The following GSG1L variants were observed in gnomAD, a reference collection of about 807,000 sequenced individuals.
GSG1L encodes germ cell-specific gene 1-like protein.
A neutral mutation model predicts 42.1 loss-of-function variants in GSG1L; 24 were observed. That is an observed-to-expected ratio of 0.57 (90% CI 0.41 to 0.80). The LOEUF (loss-of-function observed/expected upper bound fraction) is 0.80. GSG1L is among the 30% of genes least tolerant of loss of function. GSG1L has a pLI of 0.00. For synonymous variants in GSG1L, 215 were observed against 203.5 expected (o/e 1.06, Z -0.48); for missense variants, 445 against 472.2 (o/e 0.94, Z 0.53).
At chr16:27,940,826 G>A (rs374147051) in intron 2 of GSG1L, among the ~76,000 whole-genome samples, 8 of 150,066 alleles carry the variant, frequency 5.3e-5, no homozygotes, top group East Asian at 3.9e-4. Context: ...CACATTGTGC[G>A]CATGTACCCT....
At chr16:27,906,634 T>C (rs1164289571) in intron 2 of GSG1L, among the ~76,000 whole-genome samples, 1 of 152,138 alleles carries the variant, frequency 6.6e-6, no homozygotes, top group Non-Finnish European at 1.5e-5. Flanking sequence ...TCATCTGCAC[T>C]CAGGTCTCAG....
At chr16:27,921,976 ATTGTTG>A (rs1390409643) in intron 2 of GSG1L, among the ~76,000 whole-genome samples, 1 of 133,342 alleles carries the variant, frequency 7.5e-6, no homozygotes, top group Non-Finnish European at 1.6e-5. Flanking sequence ...CTCTGTTTTT[ATTGTTG>A]TTGTTGTTGT....
chr16:28,025,351 G>A (rs1471800982), intron 1 of GSG1L, among the ~76,000 whole-genome samples: 1 of 152,128 alleles, frequency 6.6e-6, no homozygotes, highest in African/African-American at 2.4e-5. Context: ...TCTGGGCAGG[G>A]GCCATGCCAC....
At chr16:27,819,640 G>C (rs534169790) in intron 5 of GSG1L, among the ~76,000 whole-genome samples, 3 of 152,208 alleles carry the variant, frequency 2.0e-5, no homozygotes, top group Non-Finnish European at 4.4e-5. Context: ...GAACATGGCC[G>C]GGCTGGGGAG....
At chr16:27,935,522 T>C (rs1291193638) in intron 2 of GSG1L, among the ~76,000 whole-genome samples, 1 of 152,078 alleles carries the variant, frequency 6.6e-6, no homozygotes, top group Non-Finnish European at 1.5e-5. Flanking sequence ...AAGTCCTGCC[T>C]CTCAGGCCAT....
At chr16:27,888,966 A>AGATATC (rs1381581344) in intron 2 of GSG1L, among the ~76,000 whole-genome samples, 1 of 151,550 alleles carries the variant, frequency 6.6e-6, no homozygotes, top group Non-Finnish European at 1.5e-5. Context: ...ATATAGATAT[A>AGATATC]GATATAGATA....
rs1223826288 is a variant in GSG1L, at chr16:27,790,336, A to G, written c.*1034T>C. 6.6e-6 allele frequency: 1 copy of G among 152,190 alleles called. No individual in the cohort carries two copies. Among genetic ancestry groups the G allele is most frequent in the Non-Finnish European group, 1.5e-5 (1 of 68,034 alleles). The allele number at this position is 152,190 out of a possible 1,614,324, so 9.4% of individuals were successfully genotyped here. ...GAAAAGCTCTAGAAATTCTTCTGGG[A>G]AGGAATAAGGCCTCTTGGGAAATGA... On this transcript the variant is annotated 3_prime_UTR_variant, in exon 7 of 7. Transcript: ENST00000447459.
intron 6 of GSG1L, among the ~76,000 whole-genome samples, chr16:27,800,971 G>A (rs2082874930): frequency 6.6e-6 from 1 of 152,094 alleles, no homozygotes; most frequent in Non-Finnish European, 1.5e-5. Context: ...GTGATATGGG[G>A]ATGACTGGGG....
At chr16:27,980,214 G>A (rs897032352) in intron 1 of GSG1L, among the ~76,000 whole-genome samples, 1 of 152,178 alleles carries the variant, frequency 6.6e-6, no homozygotes, top group African/African-American at 2.4e-5. Context: ...CCTTGGCATG[G>A]ACATTGGGCG....
chr16:27,823,169 G>A (rs1013256201), intron 5 of GSG1L, among the ~76,000 whole-genome samples: 1 of 152,190 alleles, frequency 6.6e-6, no homozygotes, highest in Non-Finnish European at 1.5e-5. Flanking sequence ...CGATTAAGAC[G>A]AAGGAGGGGA....
chr16:27,835,032 A>C (rs2083309054), intron 4 of GSG1L, among the ~76,000 whole-genome samples: 1 of 152,068 alleles, frequency 6.6e-6, no homozygotes, highest in Non-Finnish European at 1.5e-5. Flanking sequence ...CTATTGGTTG[A>C]TGATGTTGAG....
chr16:27,799,011 A>G (rs1435147450), intron 6 of GSG1L, among the ~76,000 whole-genome samples: 1 of 152,152 alleles, frequency 6.6e-6, no homozygotes, highest in East Asian at 1.9e-4. Context: ...CATACTGGTG[A>G]CCTACTGTGT....
At chr16:28,043,349 T>C (rs1436381800) in intron 1 of GSG1L, among the ~76,000 whole-genome samples, 1 of 152,174 alleles carries the variant, frequency 6.6e-6, no homozygotes, top group Non-Finnish European at 1.5e-5. Context: ...CATAGAAAAC[T>C]ATAAAGGATT....
intron 1 of GSG1L, among the ~76,000 whole-genome samples, chr16:28,014,423 T>A (rs889283943): frequency 7.2e-5 from 11 of 152,108 alleles, no homozygotes; most frequent in African/African-American, 2.7e-4. Context: ...GGTATGCGGT[T>A]GATAATAGAG....
At chr16:27,823,794 C>G in intron 5 of GSG1L, 1 of 697,742 alleles carries the variant, frequency 1.4e-6, no homozygotes. Flanking sequence ...ATTGATCAAG[C>G]CTGAGAGGCC....
chr16:27,801,010 C>T (rs1405570596), intron 6 of GSG1L, among the ~76,000 whole-genome samples: 3 of 152,012 alleles, frequency 2.0e-5, no homozygotes, highest in Admixed American at 6.6e-5. Context: ...GAAGGCTTCT[C>T]GGAGGAAGCG....
At chr16:28,005,747 GAGGAGCC>G (rs770124576) in intron 1 of GSG1L, among the ~76,000 whole-genome samples, 1 of 152,140 alleles carries the variant, frequency 6.6e-6, no homozygotes, top group Non-Finnish European at 1.5e-5. Context: ...AGGTGATTCT[GAGGAGCC>G]AGGCATAGAG....
intron 2 of GSG1L, among the ~76,000 whole-genome samples, chr16:27,886,873 T>C (rs2084037060): frequency 6.6e-6 from 1 of 152,222 alleles, no homozygotes; most frequent in Non-Finnish European, 1.5e-5. Context: ...GTCTATTCAA[T>C]GAGACTCAAC....
chr16:28,004,073 C>G (rs1016997816), intron 1 of GSG1L, among the ~76,000 whole-genome samples: 28 of 152,292 alleles, frequency 1.8e-4, no homozygotes, highest in South Asian at 1.2e-3. Context: ...CCACTCAGCC[C>G]GAGGCGCCTG....
Sources: allele counts gnomAD v4.1 joint callset (sites outside exome capture counted in the v4.1 genomes callset), GRCh38; gene constraint gnomAD v4.1.1; transcripts MANE v1.5; gene names NCBI Gene and HGNC (gene_info 2026-07-23, HGNC 2026-07-21).